The following CD163L1 variants were observed in gnomAD, a reference collection of about 807,000 sequenced individuals.
CD163L1 encodes the protein CD163 molecule like 1.
Under a neutral mutation model 165.4 loss-of-function variants are expected in CD163L1, and 124 were observed. That is an observed-to-expected ratio of 0.75 (90% confidence interval 0.65 to 0.87). CD163L1 has a LOEUF of 0.87. CD163L1 is among the 40% of genes least tolerant of loss of function. The probability of loss-of-function intolerance (pLI) is 0.00; values close to 1 mark genes in which losing one functional copy is unlikely to be tolerated. For synonymous variants in CD163L1, 585 were observed against 662.2 expected (o/e 0.88, Z 1.79); for missense variants, 1,525 against 1,799.9 (o/e 0.85, Z 2.76).
At chr12:7,417,555 A>G (rs769967202) in intron 4 of CD163L1, among the ~76,000 whole-genome samples, 43 of 152,248 alleles carry the variant, frequency 2.8e-4, no homozygotes, top group Middle Eastern at 3.4e-3. Flanking sequence ...GGTTTGTCAT[A>G]AATAGCTCTT....
In CD163L1 at chr12:7,406,596, G is replaced by C. The variant is rs1416890708; in HGVS notation, c.1023C>G (p.Cys341Trp). The change falls in exon 5 of 20, where the codon TGC becomes TGG. Residue 341 changes from cysteine to tryptophan, a missense_variant. Physicochemically the swap from Cys to Trp is radical, Grantham distance 215. Transcript: ENST00000313599. ...CSGNESFLWD[C>W]RHSGTVNFDC... ...CAAAATTGACGGTTCCGGAATGTCTGCAGTCCCAAAGAAAAGATTCATTAC... is the reference window on the plus strand; with the variant it reads ...CAAAATTGACGGTTCCGGAATGTCTCCAGTCCCAAAGAAAAGATTCATTAC... 1.2e-6 allele frequency: 2 copies of C among 1,613,934 alleles called. No homozygotes were observed. Among genetic ancestry groups the C allele is most frequent in the Admixed American group, 3.3e-5 (2 of 59,986 alleles).
rs760155715 is a variant in CD163L1, at chr12:7,406,724, C to T, written c.895G>A (p.Val299Ile). 8.7e-6 allele frequency: 14 copies of T among 1,613,956 alleles called. No homozygotes were observed. Among genetic ancestry groups the T allele is most frequent in the Admixed American group, 3.3e-5 (2 of 59,964 alleles). Residue 299 changes from valine to isoleucine, a missense_variant, in exon 5 of 20, where the codon GTA becomes ATA. Transcript: ENST00000313599. ...HKWNNAAADV[V>I]CKQLGCGTAL... ...GTTCCACATCCCAACTGCTTGCATA[C>T]GACATCAGCTGCAGCATTGTTCCAC...
At chr12:7,433,818 G>A in intron 2 of CD163L1, 124 bp from the exon 3 acceptor site, 2 of 698,136 alleles carry the variant, frequency 2.9e-6, no homozygotes, top group Non-Finnish European at 2.2e-6. Flanking sequence ...ATAGTAGAGA[G>A]AAAATAAAAA....
In CD163L1 at chr12:7,373,393, T is replaced by C. The variant is rs375149226; in HGVS notation, c.3657A>G (p.Ile1219Met). The change falls in exon 14 of 20, where the codon ATA (isoleucine) becomes ATG (methionine). Residue 1219 changes from isoleucine (I) to methionine (M), a missense_variant. Transcript: ENST00000313599. ...CCCATGGGGCAGACAGGCACTGCCA[T>C]ATGGAGATATGCGTTTTAGGACACT... is the stretch of plus-strand genomic sequence containing the variant. ...DIQCPKTHIS[I>M]WQCLSAPWER... The C allele has an allele frequency of 4.3e-6, 7 of 1,614,098 alleles. No individual in the cohort carries two copies. In the African/African-American group the frequency reaches 8.0e-5, roughly 18 times the overall value.
At chr12:7,389,359 T>C (rs1424641216) in intron 8 of CD163L1, among the ~76,000 whole-genome samples, 1 of 152,206 alleles carries the variant, frequency 6.6e-6, no homozygotes, top group South Asian at 2.1e-4. Context: ...TGATCAATGA[T>C]GTTGAGCACT....
At chr12:7,353,965 T>C (rs1946729012), downstream of CD163L1, among the ~76,000 whole-genome samples, 2 of 152,036 alleles carry the variant, frequency 1.3e-5, no homozygotes, top group South Asian at 4.1e-4. Context: ...GCAAACATAT[T>C]GCAAAGAGAG....
rs1432586698 is a variant in CD163L1 at position 7,400,839 on chromosome 12, T to C, written c.1409-2255A>G. Among the ~76,000 whole-genome samples, 2 of 152,178 alleles carry C rather than the reference T, an allele frequency of 1.3e-5. No homozygotes were observed. The highest frequency in any genetic ancestry group is 2.9e-5 in the Non-Finnish European group (2 of 68,022). On this transcript the variant is annotated intron_variant, in intron 6 of 19. Coordinates refer to ENST00000313599, the MANE Select transcript of CD163L1 (RefSeq NM_174941.6). The surrounding 1 kb of genome is among the most constrained non-coding windows in gnomAD (Gnocchi z 4.1). Reference sequence around the variant, plus strand: ...TTAGCCTATAGAAAGCTACAGTAGTTAAAATGTGATGGTTCTAGAAATAGA... The same window carrying C: ...TTAGCCTATAGAAAGCTACAGTAGTCAAAATGTGATGGTTCTAGAAATAGA...
chr12:7,430,023 C>G (rs1032464380), intron 4 of CD163L1, among the ~76,000 whole-genome samples: 4 of 152,086 alleles, frequency 2.6e-5, no homozygotes, highest in Admixed American at 2.6e-4. Context: ...GCCACCAAGT[C>G]CTTTCTTACT....
chr12:7,425,354 A>C (rs1007246180), intron 4 of CD163L1, among the ~76,000 whole-genome samples: 6 of 152,222 alleles, frequency 3.9e-5, no homozygotes, highest in Non-Finnish European at 8.8e-5. Flanking sequence ...TAAAGACTTA[A>C]ATGTAAAACC....
At chr12:7,395,917 GA>G (rs1284214849) in intron 8 of CD163L1, among the ~76,000 whole-genome samples, 177 bp downstream of exon 8, 1 of 152,132 alleles carries the variant, frequency 6.6e-6, no homozygotes, top group Admixed American at 6.5e-5. Flanking sequence ...CATTTCTTGA[GA>G]AAACAGTTTT....
the CD163L1 span, among the ~76,000 whole-genome samples, chr12:7,321,369 A>G: frequency 9.8e-5 from 15 of 152,354 alleles, no homozygotes; most frequent in African/African-American, 3.6e-4. Flanking sequence ...TGTTTAATTC[A>G]AACTCAATAC....
the CD163L1 span, among the ~76,000 whole-genome samples, chr12:7,334,440 ACC>A: frequency 6.6e-6 from 1 of 152,136 alleles, no homozygotes; most frequent in African/African-American, 2.4e-5. Context: ...AAATTCAACA[ACC>A]CTTCATGCTA....
chr12:7,384,018 AAAG>A (rs1947464659), intron 8 of CD163L1, among the ~76,000 whole-genome samples: 1 of 152,202 alleles, frequency 6.6e-6, no homozygotes, highest in South Asian at 2.1e-4. Flanking sequence ...TAATGTTATT[AAAG>A]AATTTCAGTG....
Position 7,372,835 on chromosome 12 carries a change from C to T in CD163L1, c.3730+485G>A, listed in dbSNP as rs903198198. The stretch of plus-strand genomic sequence containing the variant: ...AATTGTACAATTTCTAAAATCTCTA[C>T]AATAAACATATTAAATTTTAATCAA... On this transcript the variant is annotated intron_variant, in intron 14 of 19. Coordinates refer to ENST00000313599, the MANE Select transcript of CD163L1 (RefSeq NM_174941.6). This position sits in a 1 kb window ranked among gnomAD's most constrained non-coding sequence, Gnocchi z 4.2. Among the ~76,000 whole-genome samples the T allele has an allele frequency of 2.0e-5, 3 of 151,898 alleles. No individual in the cohort carries two copies. The highest frequency in any genetic ancestry group is 7.2e-5 in the African/African-American group (3 of 41,386).
chr12:7,359,564 G>A (rs1946850405), intron 18 of CD163L1, among the ~76,000 whole-genome samples: 1 of 152,062 alleles, frequency 6.6e-6, no homozygotes, highest in African/African-American at 2.4e-5. Context: ...AATAAAAATT[G>A]AGGTTATTTG....
chr12:7,339,307 T>C, the CD163L1 span, among the ~76,000 whole-genome samples: 655 of 152,234 alleles, frequency 4.3e-3, 1 homozygote, highest in Non-Finnish European at 6.8e-3. Flanking sequence ...TAATACCCAC[T>C]ATAAAGATAT....
the CD163L1 span, chr12:7,320,828 T>G: frequency 1.9e-6 from 3 of 1,570,778 alleles, no homozygotes; most frequent in East Asian, 6.7e-5. Flanking sequence ...AATCTCCATT[T>G]GAACCACAAA....
At position 7,439,998 on chromosome 12, in the gene CD163L1, T is replaced by C. The variant is rs765847918; in HGVS notation, c.124+1156A>G. The stretch of plus-strand genomic sequence containing the variant: ...CCGCAGCCTGCTCCATCCTAGCAGC[T>C]CCGCAAACCGCCGAGGAAAACCCGC... On this transcript the variant is annotated intron_variant, in intron 2 of 19. Coordinates refer to ENST00000313599, the MANE Select transcript of CD163L1 (RefSeq NM_174941.6). 5.6e-4 allele frequency: 852 copies of C among 1,528,774 alleles called. 7 individuals are homozygous for C. In the African/African-American group the frequency reaches 0.01, roughly 19 times the overall value. 94.7% of individuals were successfully genotyped at this position (1,528,774 alleles called of 1,614,324 possible).
At chr12:7,373,039 G>A (rs751157195) in intron 14 of CD163L1, among the ~76,000 whole-genome samples, 1 of 152,076 alleles carries the variant, frequency 6.6e-6, no homozygotes, top group Non-Finnish European at 1.5e-5. Context: ...TTAAAACACT[G>A]TAATTTTTTA....
Sources: allele counts gnomAD v4.1 joint callset (sites outside exome capture counted in the v4.1 genomes callset), GRCh38; gene constraint gnomAD v4.1.1; non-coding constraint Gnocchi (gnomAD v3.1); transcripts MANE v1.5; gene names NCBI Gene and HGNC (gene_info 2026-07-23, HGNC 2026-07-21).